LAGE3: variants seen among roughly 807,000 people sequenced by gnomAD.
LAGE3 encodes the protein L antigen family member 3, also known as EKC/KEOPS complex subunit LAGE3.
A neutral mutation model predicts 4.4 loss-of-function variants in LAGE3; 2 were observed. That is an observed-to-expected ratio of 0.46 (90% CI 0.19 to 1.44). The LOEUF (loss-of-function observed/expected upper bound fraction) is 1.44. Among genes scored for constraint, LAGE3 ranks in the 40% most tolerant of loss-of-function variants. The probability of loss-of-function intolerance (pLI) is 0.26; values close to 1 mark genes in which losing one functional copy is unlikely to be tolerated. For missense variants in LAGE3, 152 were observed against 138.1 expected, an observed-to-expected ratio of 1.10 and a Z score of -0.51; for synonymous variants, 79 against 60.0, an observed-to-expected ratio of 1.32 and a Z score of -1.47.
At chrX:154,478,119 C>T in intron 2 of LAGE3, 61 bp from the exon 3 acceptor site, 1 of 1,105,705 alleles carries the variant, frequency 9.0e-7, no homozygotes, top group Non-Finnish European at 1.2e-6. Context: ...CCTCGCTCTG[C>T]CCCTCAGGCA....
Position 154,478,326 on chromosome X carries a change from C to T in LAGE3, c.274G>A (p.Val92Met), listed in dbSNP as rs782430798. ...CTCACTGTGAGATCCTTCCCAACCA[C>T]CCTTTGGTGGGGCTCGGCATCTGGT... ...LAPDAEPHQR[V>M]VGKDLTVSGR... The change falls in exon 2 of 3, where the codon GTG becomes ATG. Residue 92 changes from valine (V) to methionine (M), a missense_variant. Transcript: ENST00000357360. 6 of 1,210,646 alleles carry T rather than the reference C, an allele frequency of 5.0e-6. No homozygotes were observed. In the Admixed American group the frequency reaches 8.7e-5, roughly 18 times the overall value.
In LAGE3 at chrX:154,479,248, C is replaced by A; in HGVS notation, c.-333G>T. 4.8e-6 allele frequency: 1 copy of A among 210,018 alleles called. No homozygotes were observed. Among genetic ancestry groups the A allele is most frequent in the East Asian group, 7.9e-5 (1 of 12,632 alleles). 17.3% of individuals were successfully genotyped at this position (210,018 alleles called of 1,213,427 possible). On this transcript the variant is annotated 5_prime_UTR_variant, in exon 1 of 3. Transcript: ENST00000357360. ...ACCCTGACGGGGCTTTTGAAGACAC[C>A]GTGGTCGCCTATCCCAGAGGCGCAC...
chrX:154,478,010 G>A lies in LAGE3; in HGVS notation c.366C>T (p.Asn122=), dbSNP rs1569554886. 8 of 1,211,144 alleles carry A rather than the reference G, an allele frequency of 6.6e-6. No homozygotes were observed. The South Asian group carries it at 1.4e-4, about 21-fold the overall frequency. Residue 122 remains asparagine, a synonymous_variant, in exon 3 of 3, where the codon AAC becomes AAT. Coordinates refer to ENST00000357360, the MANE Select transcript of LAGE3 (RefSeq NM_006014.5). The part of the protein sequence containing the change: ...DCRLLRISVI[N]FLDQLSLVVR... ...CCACCAGGGAAAGCTGGTCAAGAAAGTTGATGACGGAAATTCGGAGCAGGC... is the reference window on the plus strand; with the variant it reads ...CCACCAGGGAAAGCTGGTCAAGAAAATTGATGACGGAAATTCGGAGCAGGC...
Position 154,477,995 on chromosome X carries a change from A to G in LAGE3, c.381T>C (p.Leu127=), listed in dbSNP as rs2069248461. 8.2e-7 allele frequency: 1 copy of G among 1,212,188 alleles called. No homozygotes were observed. The highest frequency in any genetic ancestry group is 1.7e-5 in the African/African-American group (1 of 57,967). ...GCTGCATGGTCCGCACCACCAGGGA[A>G]AGCTGGTCAAGAAAGTTGATGACGG... ...RISVINFLDQ[L]SLVVRTMQRF... is the part of the protein sequence containing the mutation. Residue 127 remains leucine (L), a synonymous_variant, in exon 3 of 3, where the codon CTT becomes CTC. Coordinates refer to ENST00000357360, the MANE Select transcript of LAGE3 (RefSeq NM_006014.5).
At chrX:154,478,488 C>CCTCTCA in intron 1 of LAGE3, 77 bp from the exon 2 acceptor site, 1 of 1,102,116 alleles carries the variant, frequency 9.1e-7, no homozygotes, top group East Asian at 3.1e-5. Context: ...TCTGAAGCCC[C>CCTCTCA]CTCTCAGGTC....
chrX:154,478,197 A>C (rs2069250285), intron 2 of LAGE3, 86 bp downstream of exon 2: 12 of 1,155,578 alleles, frequency 1.0e-5, no homozygotes, highest in Non-Finnish European at 1.3e-5. Flanking sequence ...GGCCCAGCGC[A>C]CCTGGCGCTC....
chrX:154,478,434 G>A (rs1227242807), intron 1 of LAGE3, 23 bp from the exon 2 acceptor site: 13 of 1,170,971 alleles, frequency 1.1e-5, no homozygotes, highest in Non-Finnish European at 1.5e-5. Context: ...CGGTTAAGGT[G>A]CCATCTGATA....
rs1469361338 is a variant in LAGE3 at position 154,479,153 on chromosome X, T to C, written c.-238A>G. 1 of 286,077 alleles carries C rather than the reference T, an allele frequency of 3.5e-6. No homozygotes were observed. The highest frequency in any genetic ancestry group is 6.2e-6 in the Non-Finnish European group (1 of 162,579). The allele number at this position is 286,077 out of a possible 1,213,427, so 23.6% of individuals were successfully genotyped here. A position where few individuals can be genotyped will look rare whatever the true frequency, so the allele number is the denominator to read the frequency against. On this transcript the variant is annotated 5_prime_UTR_variant, in exon 1 of 3. Transcript: ENST00000357360. ...GCGGTTTCCTCCAGAAACTCTGCCCTTTCGCGCGTAACTCGATTCCAGAGC... is the reference window on the plus strand; with the variant it reads ...GCGGTTTCCTCCAGAAACTCTGCCCCTTCGCGCGTAACTCGATTCCAGAGC...
At position 154,479,094 on chromosome X, in the gene LAGE3, G is replaced by A. The variant is rs1333098841; in HGVS notation, c.-179C>T. 5 of 296,538 alleles carry A rather than the reference G, an allele frequency of 1.7e-5. No individual in the cohort carries two copies. In the Admixed American group the frequency reaches 3.0e-4, roughly 18 times the overall value. 24.4% of individuals were successfully genotyped at this position (296,538 alleles called of 1,213,427 possible). A position where few individuals can be genotyped will look rare whatever the true frequency, so the allele number is the denominator to read the frequency against. On this transcript the variant is annotated 5_prime_UTR_variant, in exon 1 of 3. Coordinates refer to ENST00000357360, the MANE Select transcript of LAGE3 (RefSeq NM_006014.5). The stretch of plus-strand genomic sequence containing the variant: ...GTTCCCGCCAAGCGGCCCTGCCGGG[G>A]GCCTTCTGAGACCCGGTCAGCGGTT...
chrX:154,478,460 C>T (rs782479618), intron 1 of LAGE3, 49 bp from the exon 2 acceptor site: 2 of 1,146,119 alleles, frequency 1.7e-6, no homozygotes, highest in South Asian at 4.1e-5. Flanking sequence ...TTGCCTATGT[C>T]TCAGGCCTTC....
chrX:154,478,839 C>T lies in LAGE3; in HGVS notation c.77G>A (p.Gly26Asp), dbSNP rs782088780. Residue 26 changes from glycine (G) to aspartate (D), a missense_variant, in exon 1 of 3, where the codon GGC (glycine) becomes GAC (aspartate). Transcript: ENST00000357360. ...DGRGGHSCRG[G>D]VDTAAAPAGG... is the part of the protein sequence containing the mutation. ...GGCCGGAGCTGCGGCTGTGTCCACG[C>T]CCCCGCGGCAGCTGTGGCCACCCCG... 9.4e-7 allele frequency: 1 copy of T among 1,067,956 alleles called. No homozygotes were observed. Among genetic ancestry groups the T allele is most frequent in the Non-Finnish European group, 1.2e-6 (1 of 830,428 alleles). The allele number at this position is 1,067,956 out of a possible 1,213,427, so 88.0% of individuals were successfully genotyped here.
rs1252909989 is a variant in LAGE3 at position 154,478,912 on chromosome X, G to C, written c.4C>G (p.Arg2Gly). ...CCGCCTGCGTCTGCATCCGCGTCCC[G>C]CATGACCGCCGCCGCGCCGCTCCGA... MRDADADAGGGA... is the reference protein window; with the variant it reads MGDADADAGGGA... Residue 2 changes from arginine to glycine, a missense_variant, in exon 1 of 3, where the codon CGG becomes GGG. Transcript: ENST00000357360. 7 of 951,141 alleles carry C rather than the reference G, an allele frequency of 7.4e-6. No individual in the cohort carries two copies. The highest frequency in any genetic ancestry group is 5.7e-5 in the Admixed American group (1 of 17,623). The allele number at this position is 951,141 out of a possible 1,213,427, so 78.4% of individuals were successfully genotyped here.
At chrX:154,478,171 C>G (rs1295488671) in intron 2 of LAGE3, 112 bp downstream of exon 2, 1 of 1,120,594 alleles carries the variant, frequency 8.9e-7, no homozygotes, top group African/African-American at 1.8e-5. Flanking sequence ...ATTACACAGC[C>G]CCTCAGGCAG....
rs1409526338 is a variant in LAGE3, at chrX:154,479,008, G to A, written c.-93C>T. 34 of 429,504 alleles carry A rather than the reference G, an allele frequency of 7.9e-5. No individual in the cohort carries two copies. The East Asian group carries it at 1.5e-3, about 18-fold the overall frequency. 35.4% of individuals were successfully genotyped at this position (429,504 alleles called of 1,213,427 possible). ...TCCTTCCCGAAGCCCCGCCCCCTGC[G>A]CACGACTCCGCCCACACGCGCCTGC... On this transcript the variant is annotated 5_prime_UTR_variant, in exon 1 of 3. Transcript: ENST00000357360.
In LAGE3 at chrX:154,477,812, T is replaced by C. The variant is rs1264325744; in HGVS notation, c.*132A>G. 1 of 476,840 alleles carries C rather than the reference T, an allele frequency of 2.1e-6. No homozygotes were observed. The highest frequency in any genetic ancestry group is 3.6e-6 in the Non-Finnish European group (1 of 277,208). The allele number at this position is 476,840 out of a possible 1,213,427, so 39.3% of individuals were successfully genotyped here. On this transcript the variant is annotated 3_prime_UTR_variant, in exon 3 of 3. Transcript: ENST00000357360. ...TTTATTTTCTGTAGTAACAAACATTTAAGAACCAGATAAAACATGAGGCCC... is the reference window on the plus strand; with the variant it reads ...TTTATTTTCTGTAGTAACAAACATTCAAGAACCAGATAAAACATGAGGCCC...
chrX:154,479,093 G>T lies in LAGE3; in HGVS notation c.-178C>A. On this transcript the variant is annotated 5_prime_UTR_variant, in exon 1 of 3. Coordinates refer to ENST00000357360, the MANE Select transcript of LAGE3 (RefSeq NM_006014.5). The stretch of plus-strand genomic sequence containing the variant: ...AGTTCCCGCCAAGCGGCCCTGCCGG[G>T]GGCCTTCTGAGACCCGGTCAGCGGT... 3.4e-6 allele frequency: 1 copy of T among 297,205 alleles called. No homozygotes were observed. The highest frequency in any genetic ancestry group is 5.9e-6 in the Non-Finnish European group (1 of 170,545). The allele number at this position is 297,205 out of a possible 1,213,427, so 24.5% of individuals were successfully genotyped here.
In LAGE3 at chrX:154,478,991, G is replaced by A. The variant is rs2069257323; in HGVS notation, c.-76C>T. ...CCCGCCCTCTCTGTGGCTCCTTCCC[G>A]AAGCCCCGCCCCCTGCGCACGACTC... On this transcript the variant is annotated 5_prime_UTR_variant, in exon 1 of 3. Coordinates refer to ENST00000357360, the MANE Select transcript of LAGE3 (RefSeq NM_006014.5). 1 of 501,620 alleles carries A rather than the reference G, an allele frequency of 2.0e-6. No homozygotes were observed. The highest frequency in any genetic ancestry group is 2.9e-6 in the Non-Finnish European group (1 of 348,398). The allele number at this position is 501,620 out of a possible 1,213,427, so 41.3% of individuals were successfully genotyped here. A position where few individuals can be genotyped will look rare whatever the true frequency, so the allele number is the denominator to read the frequency against.
Position 154,478,390 on chromosome X carries a change from C to T in LAGE3, c.210G>A (p.Pro70=). 2 of 1,197,013 alleles carry T rather than the reference C, an allele frequency of 1.7e-6. No homozygotes were observed. The highest frequency in any genetic ancestry group is 1.1e-6 in the Non-Finnish European group (1 of 888,528). The change falls in exon 2 of 3, where the codon CCG becomes CCA. Residue 70 remains proline (P), a synonymous_variant. Coordinates refer to ENST00000357360, the MANE Select transcript of LAGE3 (RefSeq NM_006014.5). ...GGGCGATTTCCGCCTCCAAGGGGGTCGGGAAAGGCACGCTGAGGGTGCTGG... is the reference window on the plus strand; with the variant it reads ...GGGCGATTTCCGCCTCCAAGGGGGTTGGGAAAGGCACGCTGAGGGTGCTGG... ...PHIFTLSVPF[P]TPLEAEIAHG...
Position 154,478,717 on chromosome X carries a change from G to A in LAGE3, c.188+11C>T, listed in dbSNP as rs1399454137. On this transcript the variant is annotated intron_variant, in intron 1 of 2. Coordinates refer to ENST00000357360, the MANE Select transcript of LAGE3 (RefSeq NM_006014.5). ...CTCCGCCGCAAGCAGCCCCCAGCTC[G>A]GAAAGGATACAATATGTGCGGCCGC... 4.0e-6 allele frequency: 4 copies of A among 998,621 alleles called. No homozygotes were observed. The highest frequency in any genetic ancestry group is 9.0e-5 in the East Asian group (2 of 22,166). The allele number at this position is 998,621 out of a possible 1,213,427, so 82.3% of individuals were successfully genotyped here. A position where few individuals can be genotyped will look rare whatever the true frequency, so the allele number is the denominator to read the frequency against.
Sources: gnomAD v4.1 joint callset for allele counts on GRCh38, gnomAD v4.1.1 for gene constraint, MANE v1.5 for transcripts, NCBI Gene and HGNC (gene_info 2026-07-23, HGNC 2026-07-21) for gene names.